Variants in CLCN5 observed in about 807,000 individuals in gnomAD.
CLCN5 encodes Cl-/H+ antiporter 5.
A neutral mutation model predicts 54.0 loss-of-function variants in CLCN5; 17 were observed. The observed-to-expected ratio is 0.31, with a 90% CI of 0.22 to 0.47. CLCN5 has a LOEUF of 0.47. Ranked by LOEUF, CLCN5 falls within the 20% of genes least tolerant of loss-of-function variation. CLCN5 has a pLI of 1.00. For missense variants in CLCN5, 448 were observed against 646.7 expected (o/e 0.69, Z 3.33); for synonymous variants, 222 against 233.0 (o/e 0.95, Z 0.43).
At chrX:49,940,679 G>C (rs1186078613) in intron 3 of CLCN5, among the ~76,000 whole-genome samples, 2 of 111,986 alleles carry the variant, frequency 1.8e-5, no homozygotes, top group African/African-American at 6.5e-5. Context: ...TTTGGCTACA[G>C]GATTGTATTT....
chrX:50,009,959 A>G (rs781824100), intron 3 of CLCN5, among the ~76,000 whole-genome samples: 3 of 111,503 alleles, frequency 2.7e-5, no homozygotes, highest in African/African-American at 9.8e-5. Flanking sequence ...TGAACAAGGC[A>G]GACTTCGCCC....
At chrX:49,939,183 G>A (rs1926176936) in intron 3 of CLCN5, among the ~76,000 whole-genome samples, 1 of 111,643 alleles carries the variant, frequency 9.0e-6, no homozygotes, top group Admixed American at 9.5e-5. Flanking sequence ...CTTTTACACT[G>A]TTGGTGGGAC....
chrX:50,005,195 C>T (rs1350536619), intron 3 of CLCN5, among the ~76,000 whole-genome samples: 1 of 111,461 alleles, frequency 9.0e-6, no homozygotes, highest in Non-Finnish European at 1.9e-5. Flanking sequence ...TTACATGTTC[C>T]TTCTCCTTGT....
rs1296050027 is a variant in CLCN5 at position 50,032,250 on chromosome X, C to G, written c.17-10066C>G. 2.1e-4 allele frequency among the ~76,000 whole-genome samples: 23 copies of G among 111,577 alleles called. No individual in the cohort carries two copies. In the East Asian group the frequency reaches 2.3e-3, roughly 11 times the overall value. ...GTATATACCCAGTAATGGGATGGCT[C>G]GGTCAAATGGTATTTCTCGTTCTAG... On this transcript the variant is annotated intron_variant, in intron 3 of 14. Transcript: ENST00000376091.
At chrX:50,046,898 A>G (rs1268940319) in intron 4 of CLCN5, among the ~76,000 whole-genome samples, 2 of 111,282 alleles carry the variant, frequency 1.8e-5, no homozygotes, top group Non-Finnish European at 3.8e-5. Context: ...AGGACCAATT[A>G]GATATGGGAA....
At chrX:50,003,100 A>G in intron 3 of CLCN5, 2 of 355,767 alleles carry the variant, frequency 5.6e-6, no homozygotes, top group South Asian at 5.2e-5. Context: ...TAGAAGTCCA[A>G]GGCATCTGGG....
At position 50,090,696 on chromosome X, in the gene CLCN5, G is replaced by A. The variant is rs1934064832; in HGVS notation, c.2170G>A (p.Val724Ile). ...IENARKKQDGVVSTSIIYFTE... is the reference protein window; with the variant it reads ...IENARKKQDGIVSTSIIYFTE... ...AAATGCTCGAAAGAAACAGGATGGG[G>A]TTGTTAGCACTTCCATCATTTATTT... Residue 724 changes from valine to isoleucine, a missense_variant, in exon 14 of 15, where the codon GTT becomes ATT. Val to Ile is a conservative substitution (Grantham distance 29). Around this residue, in one of 5 missense-constraint regions of CLCN5, gnomAD observed 297 missense variants for 470.4 expected, o/e 0.63. Transcript: ENST00000376091. 1.7e-6 allele frequency: 2 copies of A among 1,209,409 alleles called. No homozygotes were observed. The highest frequency in any genetic ancestry group is 2.2e-6 in the Non-Finnish European group (2 of 894,190).
chrX:50,085,853 G>A (rs1426240861), intron 9 of CLCN5, 127 bp from the exon 10 acceptor site: 10 of 597,963 alleles, frequency 1.7e-5, no homozygotes, highest in Non-Finnish European at 2.8e-5. Flanking sequence ...TTTTGTTTTT[G>A]ATGATATGGA....
intron 4 of CLCN5, among the ~76,000 whole-genome samples, chrX:50,060,247 G>C (rs1476306721): frequency 9.0e-6 from 1 of 110,920 alleles, no homozygotes; most frequent in East Asian, 2.9e-4. Flanking sequence ...CTGAGGTACC[G>C]GGTTCATCTC....
At chrX:49,986,810 A>G (rs1319196429) in intron 3 of CLCN5, among the ~76,000 whole-genome samples, 1 of 112,112 alleles carries the variant, frequency 8.9e-6, no homozygotes, top group Non-Finnish European at 1.9e-5. Context: ...GGGACTTCTC[A>G]TGGCTTTTAA....
At chrX:49,980,452 A>G (rs1928680006) in intron 3 of CLCN5, among the ~76,000 whole-genome samples, 1 of 112,084 alleles carries the variant, frequency 8.9e-6, no homozygotes, top group African/African-American at 3.2e-5. Flanking sequence ...TAAAATGGAG[A>G]AAAATGTATG....
rs782084969 is a variant in CLCN5, at chrX:50,089,910, GAA to G, written c.1745-202_1745-201del. 4.0e-4 allele frequency among the ~76,000 whole-genome samples: 45 copies of G among 111,288 alleles called. 1 individual carries two copies. Among genetic ancestry groups the G allele is most frequent in the Middle Eastern group, 4.2e-3 (1 of 236 alleles). On this transcript the variant is annotated intron_variant, in intron 12 of 14. Coordinates refer to ENST00000376091, the MANE Select transcript of CLCN5 (RefSeq NM_001127898.4). ...CAAAAAAAGAAAGAGAGAGAAAAAA[GAA>G]AAACAGAAGGCTTCTTGTAGATGTT...
chrX:50,027,562 ATTCT>A (rs1360128296), intron 3 of CLCN5, among the ~76,000 whole-genome samples: 2 of 111,293 alleles, frequency 1.8e-5, no homozygotes, highest in Non-Finnish European at 3.8e-5. Flanking sequence ...TTTCCTTTTG[ATTCT>A]TTCTTAAGAT....
intron 4 of CLCN5, among the ~76,000 whole-genome samples, chrX:50,066,425 A>G (rs1933025537): frequency 9.0e-6 from 1 of 111,609 alleles, no homozygotes; most frequent in Non-Finnish European, 1.9e-5. Context: ...TTGTTGTATT[A>G]ACATTTCAGG....
intron 3 of CLCN5, among the ~76,000 whole-genome samples, chrX:49,938,039 C>A (rs1466564629): frequency 1.2e-4 from 13 of 111,566 alleles, no homozygotes; most frequent in Non-Finnish European, 5.6e-5. Context: ...CTTGGTTTGG[C>A]ATAATGAAGA....
chrX:50,008,363 G>T, intron 3 of CLCN5: 1 of 286,150 alleles, frequency 3.5e-6, no homozygotes, highest in Non-Finnish European at 7.6e-6. Context: ...TCTATATCAT[G>T]ACAAGTAAGT....
intron 3 of CLCN5, among the ~76,000 whole-genome samples, chrX:49,927,521 G>A (rs1324188108): frequency 1.8e-5 from 2 of 112,269 alleles, no homozygotes; most frequent in Non-Finnish European, 3.8e-5. Flanking sequence ...ATAGTTAAAT[G>A]TGTGGGTCTG....
At chrX:50,028,808 T>G (rs1025674899) in intron 3 of CLCN5, among the ~76,000 whole-genome samples, 1 of 112,259 alleles carries the variant, frequency 8.9e-6, no homozygotes, top group East Asian at 2.8e-4. Flanking sequence ...TATGTCCTTT[T>G]TCTGTTCCTT....
At chrX:49,953,906 A>G (rs1557173583) in intron 3 of CLCN5, among the ~76,000 whole-genome samples, 1 of 112,029 alleles carries the variant, frequency 8.9e-6, no homozygotes, top group Non-Finnish European at 1.9e-5. Flanking sequence ...TTGGTAAGTC[A>G]AAAAGGGCTT....
Sources: allele counts gnomAD v4.1 joint callset (sites outside exome capture counted in the v4.1 genomes callset), GRCh38; gene constraint gnomAD v4.1.1; regional missense constraint gnomAD v4.1.1; transcripts MANE v1.5; gene names NCBI Gene and HGNC (gene_info 2026-07-23, HGNC 2026-07-21).